Variants in CAPN5 observed in about 807,000 individuals in gnomAD.
The protein encoded by CAPN5 is calpain-5.
CAPN5 carries 54 observed loss-of-function variants against 73.0 expected under a neutral mutation model. The ratio of observed to expected loss-of-function variants is 0.74; its 90% CI spans 0.59 to 0.93. The LOEUF (loss-of-function observed/expected upper bound fraction) is 0.93. CAPN5 is among the 40% of genes least tolerant of loss of function. The pLI is 0.00. For missense variants in CAPN5, 785 were observed against 882.9 expected (o/e 0.89, Z 1.41); for synonymous variants, 335 against 356.9 (o/e 0.94, Z 0.69).
chr11:77,106,572 C>A (rs1591137351), intron 3 of CAPN5, among the ~76,000 whole-genome samples: 2 of 152,242 alleles, frequency 1.3e-5, no homozygotes, highest in African/African-American at 4.8e-5. Flanking sequence ...GAGCTTGTTC[C>A]TCATCTGTGA....
intron 1 of CAPN5, among the ~76,000 whole-genome samples, chr11:77,071,051 T>C (rs937779850): frequency 2.6e-5 from 4 of 152,182 alleles, no homozygotes; most frequent in South Asian, 2.1e-4. Context: ...AGGGATTCGG[T>C]TGGGAGTATC....
intron 12 of CAPN5, among the ~76,000 whole-genome samples, chr11:77,123,228 G>A (rs971248559): frequency 1.2e-4 from 19 of 152,198 alleles, no homozygotes; most frequent in African/African-American, 4.3e-4. Flanking sequence ...CTCTCTCAGT[G>A]AGACAGCATC....
At chr11:77,103,000 G>A (rs782797737) in intron 3 of CAPN5, 90 of 1,613,420 alleles carry the variant, frequency 5.6e-5, no homozygotes, top group South Asian at 2.0e-4. Flanking sequence ...TCTGTGTACC[G>A]CCTCAACTTC....
intron 9 of CAPN5, chr11:77,120,157 C>T (rs1950508153): frequency 6.6e-6 from 1 of 152,346 alleles, no homozygotes; most frequent in Non-Finnish European, 1.5e-5. Flanking sequence ...AAACGATCCT[C>T]CCACCTCAGT....
intron 3 of CAPN5, among the ~76,000 whole-genome samples, chr11:77,104,319 G>A (rs1004071535): frequency 6.6e-6 from 1 of 152,196 alleles, no homozygotes; most frequent in African/African-American, 2.4e-5. Flanking sequence ...GGGGAGTCAG[G>A]CTCTTTAGAG....
intron 3 of CAPN5, among the ~76,000 whole-genome samples, chr11:77,096,306 G>A (rs1252134056): frequency 1.3e-5 from 2 of 152,204 alleles, no homozygotes; most frequent in Admixed American, 6.5e-5. Flanking sequence ...TTCGAAGCCA[G>A]CCTGACCTGG....
At chr11:77,108,494 G>A (rs1234986540) in intron 3 of CAPN5, among the ~76,000 whole-genome samples, 1 of 152,184 alleles carries the variant, frequency 6.6e-6, no homozygotes, top group African/African-American at 2.4e-5. Flanking sequence ...TTGGAGGGAT[G>A]AGGCTGAGAG....
rs782484868 is a variant in CAPN5 at position 77,085,028 on chromosome 11, G to C, written c.142G>C (p.Ala48Pro). 1 of 1,613,490 alleles carries C rather than the reference G, an allele frequency of 6.2e-7. No individual in the cohort carries two copies. The highest frequency in any genetic ancestry group is 1.7e-5 in the Admixed American group (1 of 60,032). Residue 48 changes from alanine (A) to proline (P), a missense_variant, in exon 2 of 13, where the codon GCC becomes CCC. Coordinates refer to ENST00000648180, the MANE Select transcript of CAPN5 (RefSeq NM_004055.5). ...SLYYKGTPGP[A>P]VRWKRPKGIC... is the part of the protein sequence containing the mutation. ...CTACTATAAGGGCACGCCGGGGCCC[G>C]CCGTCAGGTGGAAGCGACCCAAGGT...
At chr11:77,106,549 T>C (rs1424530059) in intron 3 of CAPN5, among the ~76,000 whole-genome samples, 1 of 152,206 alleles carries the variant, frequency 6.6e-6, no homozygotes, top group Non-Finnish European at 1.5e-5. Context: ...CTGGATGGCC[T>C]TGGGCAACCT....
chr11:77,108,778 T>A (rs1555040343), intron 3 of CAPN5, among the ~76,000 whole-genome samples: 1 of 152,190 alleles, frequency 6.6e-6, no homozygotes, highest in East Asian at 1.9e-4. Flanking sequence ...AATAATCTCT[T>A]AATATCATCA....
In CAPN5 at chr11:77,119,149, C is replaced by T; in HGVS notation, c.1287C>T (p.Tyr429=). 6.2e-7 allele frequency: 1 copy of T among 1,610,034 alleles called. No homozygotes were observed. The highest frequency in any genetic ancestry group is 8.5e-7 in the Non-Finnish European group (1 of 1,178,288). The change falls in exon 9 of 13, where the codon TAC becomes TAT. Residue 429 remains tyrosine (Y), a synonymous_variant. Transcript: ENST00000648180. The part of the protein sequence containing the change: ...GENLAIGFDI[Y]KVEENRQYRM... The stretch of plus-strand genomic sequence containing the variant: ...ACCTGGCCATTGGCTTTGACATCTA[C>T]AAGGTGAGGCCAGCCGGGTCCCCTG...
intron 3 of CAPN5, among the ~76,000 whole-genome samples, chr11:77,097,464 GTTTTTTTTTTTTTTT>G (rs58077755): frequency 1.3e-5 from 1 of 79,730 alleles, no homozygotes; most frequent in Non-Finnish European, 2.3e-5. Flanking sequence ...TTTCCTTCTA[GTTTTTTTTTTTTTTT>G]TTTTTTTTTT....
At chr11:77,113,294 G>A (rs907913451) in intron 4 of CAPN5, among the ~76,000 whole-genome samples, 3 of 152,158 alleles carry the variant, frequency 2.0e-5, no homozygotes, top group African/African-American at 4.8e-5. Flanking sequence ...CTTCTGCTCC[G>A]TGCCTTCTGC....
Position 77,112,702 on chromosome 11 carries a change from T to A in CAPN5, c.411T>A (p.Asp137Glu). The A allele has an allele frequency of 1.9e-6, 3 of 1,614,252 alleles. No individual in the cohort carries two copies. Among genetic ancestry groups the A allele is most frequent in the Non-Finnish European group, 2.5e-6 (3 of 1,180,038 alleles). The change falls in exon 4 of 13, where the codon GAT becomes GAA. Residue 137 changes from aspartate to glutamate, a missense_variant. Asp to Glu is a conservative substitution (Grantham distance 45). Coordinates refer to ENST00000648180, the MANE Select transcript of CAPN5 (RefSeq NM_004055.5). Reference protein sequence around the residue: ...RFGEWVDVVIDDRLPTVNNQL... With the variant: ...RFGEWVDVVIEDRLPTVNNQL... Reference sequence around the variant, plus strand: ...GGGAATGGGTGGACGTGGTCATCGATGACCGGCTGCCCACAGTCAACAACC... The same window carrying A: ...GGGAATGGGTGGACGTGGTCATCGAAGACCGGCTGCCCACAGTCAACAACC...
intron 6 of CAPN5, among the ~76,000 whole-genome samples, chr11:77,115,874 T>C (rs1170225033): frequency 3.9e-5 from 6 of 152,084 alleles, no homozygotes; most frequent in African/African-American, 1.4e-4. Context: ...AATGGGGGAC[T>C]CCTCTGTGCT....
At chr11:77,120,490 A>G (rs1950510655) in intron 9 of CAPN5, 1 of 461,570 alleles carries the variant, frequency 2.2e-6, no homozygotes, top group Non-Finnish European at 3.8e-6. Flanking sequence ...TCTCCCCAAA[A>G]GAAACCCACT....
chr11:77,073,241 G>C, intron 1 of CAPN5: 1 of 587,044 alleles, frequency 1.7e-6, no homozygotes, highest in Non-Finnish European at 2.8e-6. Flanking sequence ...GCTTGGCCTG[G>C]GGCTGCCCCC....
Position 77,093,751 on chromosome 11 carries a change from G to A in CAPN5, c.235G>A (p.Gly79Ser). Residue 79 changes from glycine (G) to serine (S), a missense_variant, in exon 3 of 13, where the codon GGC (glycine) becomes AGC (serine). Transcript: ENST00000648180. ...SSHDLHQGQV[G>S]NCWFVAACSS... ...CCACGACCTGCACCAGGGCCAGGTG[G>A]GCAACTGCTGGTTTGTGGCAGCCTG... 1 of 1,612,340 alleles carries A rather than the reference G, an allele frequency of 6.2e-7. No individual in the cohort carries two copies. Among genetic ancestry groups the A allele is most frequent in the East Asian group, 2.2e-5 (1 of 44,880 alleles).
In CAPN5 at chr11:77,118,179, C is replaced by G; in HGVS notation, c.994C>G (p.Arg332Gly). Reference protein sequence around the residue: ...EFWMTFEDVCRYFTDIIKCRV... With the variant: ...EFWMTFEDVCGYFTDIIKCRV... Reference sequence around the variant, plus strand: ...CAGGATGACCTTCGAGGACGTGTGCCGGTACTTCACGGACATCATCAAGTG... The same window carrying G: ...CAGGATGACCTTCGAGGACGTGTGCGGGTACTTCACGGACATCATCAAGTG... The change falls in exon 8 of 13, where the codon CGG becomes GGG. Residue 332 changes from arginine (R) to glycine (G), a missense_variant. Transcript: ENST00000648180. 2 of 1,613,536 alleles carry G rather than the reference C, an allele frequency of 1.2e-6. No individual in the cohort carries two copies.
Sources: allele counts gnomAD v4.1 joint callset (sites outside exome capture counted in the v4.1 genomes callset), GRCh38; gene constraint gnomAD v4.1.1; transcripts MANE v1.5; gene names NCBI Gene and HGNC (gene_info 2026-07-23, HGNC 2026-07-21).